Variants in VPS13B observed in about 807,000 individuals in gnomAD.
VPS13B encodes the protein intermembrane lipid transfer protein VPS13B.
VPS13B carries 285 observed loss-of-function variants against 426.4 expected under a neutral mutation model. The observed-to-expected ratio is 0.67, with a 90% confidence interval of 0.61 to 0.74. The LOEUF (loss-of-function observed/expected upper bound fraction) is 0.74, where lower values mean the gene tolerates loss of function less well. Ranked by LOEUF, VPS13B falls within the 30% of genes least tolerant of loss-of-function variation. VPS13B has a pLI of 0.00. For synonymous variants in VPS13B, 1,676 were observed against 1,676.4 expected, an observed-to-expected ratio of 1.00 and a Z score of 0.01; for missense variants, 4,537 against 4,782.6, an observed-to-expected ratio of 0.95 and a Z score of 1.51.
chr8:99,819,144 G>T (rs907947184), intron 47 of VPS13B, among the ~76,000 whole-genome samples: 1 of 152,012 alleles, frequency 6.6e-6, no homozygotes, highest in Non-Finnish European at 1.5e-5. Context: ...GGGATCATCA[G>T]AACTTTTAAT....
intron 3 of VPS13B, among the ~76,000 whole-genome samples, chr8:99,052,019 T>G (rs1010120100): frequency 2.0e-5 from 3 of 152,044 alleles, no homozygotes; most frequent in Admixed American, 6.6e-5. Context: ...GAATACCCTT[T>G]ATTTCCTTCT....
At chr8:99,401,533 A>G (rs928836555) in intron 21 of VPS13B, among the ~76,000 whole-genome samples, 20 of 152,172 alleles carry the variant, frequency 1.3e-4, no homozygotes, top group Non-Finnish European at 2.2e-4. Flanking sequence ...GCCTTCTGAC[A>G]TGAGGAAGGA....
At chr8:99,770,234 T>G (rs987393298) in intron 40 of VPS13B, among the ~76,000 whole-genome samples, 2 of 152,202 alleles carry the variant, frequency 1.3e-5, no homozygotes, top group Non-Finnish European at 2.9e-5. Context: ...TTATGGTTTT[T>G]GGGAGGGAGC....
chr8:99,165,088 A>G (rs1200968750), intron 15 of VPS13B, among the ~76,000 whole-genome samples: 4 of 152,200 alleles, frequency 2.6e-5, no homozygotes, highest in East Asian at 1.9e-4. Context: ...AAAATTGTAT[A>G]TATTATTGTT....
chr8:99,160,209 T>A (rs978753318), intron 15 of VPS13B, among the ~76,000 whole-genome samples: 6 of 152,138 alleles, frequency 3.9e-5, no homozygotes, highest in African/African-American at 1.4e-4. Flanking sequence ...AAATAAGTAA[T>A]ACATCCAATG....
chr8:99,697,467 G>T lies in VPS13B; in HGVS notation c.6047-2058G>T, dbSNP rs763423198. On this transcript the variant is annotated intron_variant, in intron 35 of 61. Coordinates refer to ENST00000357162, the MANE Select transcript of VPS13B (RefSeq NM_152564.5). Reference sequence around the variant, plus strand: ...ACTAAGGAGGAAATCGACATCCTCAGCGATGCCTGCTCTAAGCTGAAGGAG... The same window carrying T: ...ACTAAGGAGGAAATCGACATCCTCATCGATGCCTGCTCTAAGCTGAAGGAG... 1.2e-3 allele frequency: 884 copies of T among 730,016 alleles called. 1 individual carries two copies. Among genetic ancestry groups the T allele is most frequent in the Non-Finnish European group, 1.2e-3 (465 of 399,342 alleles). 45.2% of individuals were successfully genotyped at this position (730,016 alleles called of 1,614,324 possible). A position where few individuals can be genotyped will look rare whatever the true frequency, so the allele number is the denominator to read the frequency against.
At chr8:99,571,002 C>A (rs79416462) in intron 31 of VPS13B, among the ~76,000 whole-genome samples, 2 of 152,120 alleles carry the variant, frequency 1.3e-5, no homozygotes, top group African/African-American at 4.8e-5. Flanking sequence ...AGCTCTCTTG[C>A]CAAGACAGGC....
chr8:99,295,747 G>A (rs187810050), intron 19 of VPS13B, among the ~76,000 whole-genome samples: 38 of 152,232 alleles, frequency 2.5e-4, no homozygotes, highest in Admixed American at 5.2e-4. Context: ...TGAAGTAGAA[G>A]GCCAGGCGCA....
chr8:99,715,153 G>A (rs1048012541), intron 36 of VPS13B, among the ~76,000 whole-genome samples: 5 of 151,562 alleles, frequency 3.3e-5, no homozygotes, highest in Admixed American at 3.3e-4. Flanking sequence ...CTTCCATCCA[G>A]CCTTTTTATG....
At chr8:99,367,547 G>A (rs1812958374) in intron 19 of VPS13B, among the ~76,000 whole-genome samples, 1 of 152,092 alleles carries the variant, frequency 6.6e-6, no homozygotes, top group Non-Finnish European at 1.5e-5. Flanking sequence ...TCCTGGTTTG[G>A]GAAGTCCTCC....
chr8:99,279,459 C>T (rs1054406194), intron 19 of VPS13B, among the ~76,000 whole-genome samples: 5 of 151,944 alleles, frequency 3.3e-5, no homozygotes, highest in Non-Finnish European at 4.4e-5. Context: ...GGGGTTTCAC[C>T]ATGCTGGTCA....
chr8:99,034,781 T>A (rs559847814), intron 2 of VPS13B, among the ~76,000 whole-genome samples: 55 of 152,344 alleles, frequency 3.6e-4, no homozygotes, highest in African/African-American at 1.3e-3. Context: ...AACTTTGTCC[T>A]GTTTTGTCAT....
chr8:99,346,305 C>T (rs1588275923), intron 19 of VPS13B: 2 of 152,272 alleles, frequency 1.3e-5, no homozygotes, highest in African/African-American at 4.8e-5. Flanking sequence ...TTTCTTGAAG[C>T]TAGTTTCCTG....
rs113308125 is a variant in VPS13B, at chr8:99,650,550, A to G, written c.5908+8052A>G. On this transcript the variant is annotated intron_variant, in intron 34 of 61. Coordinates refer to ENST00000357162, the MANE Select transcript of VPS13B (RefSeq NM_152564.5). ...TCCCCAGTGGGGCCTCAAATTGTGG[A>G]TAGTACTGACCCTTATATGTACTGT... is the stretch of plus-strand genomic sequence containing the variant. Among the ~76,000 whole-genome samples the G allele has an allele frequency of 6.5e-4, 99 of 152,336 alleles. 2 individuals are homozygous for G. The South Asian group carries it at 8.5e-3, about 13-fold the overall frequency.
At chr8:99,120,696 A>C (rs554156847) in intron 7 of VPS13B, 2 of 152,744 alleles carry the variant, frequency 1.3e-5, no homozygotes, top group East Asian at 3.9e-4. Flanking sequence ...GCAGGGGAGC[A>C]TTTTGCCTAG....
At chr8:99,086,883 C>T (rs1048685773) in intron 3 of VPS13B, among the ~76,000 whole-genome samples, 2 of 152,180 alleles carry the variant, frequency 1.3e-5, no homozygotes, top group African/African-American at 4.8e-5. Context: ...GGGTGCCTCC[C>T]AGTTAGGCTA....
intron 33 of VPS13B, among the ~76,000 whole-genome samples, chr8:99,631,683 A>G (rs1273871947): frequency 6.6e-6 from 1 of 151,820 alleles, no homozygotes; most frequent in African/African-American, 2.4e-5. Context: ...AATACTAAAC[A>G]TCCAGTCTAT....
At chr8:99,360,193 TC>T (rs1232413419) in intron 19 of VPS13B, among the ~76,000 whole-genome samples, 34 of 38,040 alleles carry the variant, frequency 8.9e-4, no homozygotes, top group Admixed American at 1.2e-3. Flanking sequence ...TTTCTTTCTC[TC>T]TCTCTCTCTC....
chr8:99,078,521 G>A lies in VPS13B; in HGVS notation c.292-17791G>A, dbSNP rs986655244. On this transcript the variant is annotated intron_variant, in intron 3 of 61. Coordinates refer to ENST00000357162, the MANE Select transcript of VPS13B (RefSeq NM_152564.5). ...CTTTTTCTTGGGAGGAGGAAGACAG[G>A]CAGACTAGTTCTCAGGCACCACTGG... Among the ~76,000 whole-genome samples, 6 of 151,946 alleles carry A rather than the reference G, an allele frequency of 3.9e-5. No individual in the cohort carries two copies. In the South Asian group the frequency reaches 6.2e-4, roughly 16 times the overall value.
Sources: gnomAD v4.1 joint callset for allele counts (sites outside exome capture counted in the v4.1 genomes callset) on GRCh38, gnomAD v4.1.1 for gene constraint, MANE v1.5 for transcripts, NCBI Gene and HGNC (gene_info 2026-07-23, HGNC 2026-07-21) for gene names.